Variants in BCAS3 observed in about 807,000 individuals in gnomAD.
BCAS3 encodes BCAS4/BCAS3 fusion.
In BCAS3, 53 loss-of-function variants were observed where a neutral mutation model predicts 116.1. The observed-to-expected ratio is 0.46, with a 90% CI of 0.37 to 0.57. The LOEUF (loss-of-function observed/expected upper bound fraction) is 0.57, where lower values mean the gene tolerates loss of function less well. Ranked by LOEUF, BCAS3 falls within the 20% of genes least tolerant of loss-of-function variation. BCAS3 has a pLI of 0.00. For synonymous variants in BCAS3, 391 were observed against 408.2 expected, an observed-to-expected ratio of 0.96 and a Z score of 0.51; for missense variants, 917 against 1,165.4, an observed-to-expected ratio of 0.79 and a Z score of 3.10.
chr17:61,014,318 A>G (rs1423987998), intron 15 of BCAS3, among the ~76,000 whole-genome samples: 1 of 152,132 alleles, frequency 6.6e-6, no homozygotes, highest in Non-Finnish European at 1.5e-5. Context: ...TCAATTAATA[A>G]GACTCACTAG....
Position 61,015,818 on chromosome 17 carries a change from T to C in BCAS3, c.1554T>C (p.Ser518=). Residue 518 remains serine (S), a synonymous_variant, in exon 16 of 24, where the codon TCT becomes TCC. Coordinates refer to ENST00000407086, the MANE Select transcript of BCAS3 (RefSeq NM_017679.5). ...ACAACCCTGGCAACCCTCGGCTCTCTCCTCTTCCCAGCTTGATGGTAGTGA... is the reference window on the plus strand; with the variant it reads ...ACAACCCTGGCAACCCTCGGCTCTCCCCTCTTCCCAGCTTGATGGTAGTGA... ...TNNNPGNPRL[S]PLPSLMVVMP... The C allele has an allele frequency of 6.2e-7, 1 of 1,614,048 alleles. No individual in the cohort carries two copies. The highest frequency in any genetic ancestry group is 8.5e-7 in the Non-Finnish European group (1 of 1,179,942).
intron 19 of BCAS3, among the ~76,000 whole-genome samples, chr17:61,071,579 A>G (rs761152602): frequency 3.3e-5 from 5 of 152,230 alleles, no homozygotes; most frequent in Non-Finnish European, 7.3e-5. Context: ...TCTGAGGACC[A>G]CATTTGGAGG....
chr17:60,866,969 A>G (rs1427756631), intron 7 of BCAS3, among the ~76,000 whole-genome samples: 1 of 151,980 alleles, frequency 6.6e-6, no homozygotes, highest in Non-Finnish European at 1.5e-5. Flanking sequence ...TACCTTTACA[A>G]TAAGTCTTAT....
intron 22 of BCAS3, among the ~76,000 whole-genome samples, chr17:61,209,032 T>C (rs529391884): frequency 2.8e-4 from 42 of 152,276 alleles, no homozygotes; most frequent in African/African-American, 9.4e-4. Flanking sequence ...TTCCATTTGT[T>C]AGCAAACAAC....
At chr17:60,875,079 A>G (rs535893979) in intron 9 of BCAS3, among the ~76,000 whole-genome samples, 1 of 152,120 alleles carries the variant, frequency 6.6e-6, no homozygotes, top group East Asian at 1.9e-4. Context: ...TTTATACATT[A>G]TACCTTTACA....
intron 3 of BCAS3, among the ~76,000 whole-genome samples, chr17:60,685,053 A>C (rs2033813772): frequency 6.6e-6 from 1 of 152,248 alleles, no homozygotes; most frequent in Non-Finnish European, 1.5e-5. Flanking sequence ...TCCAACAATG[A>C]TCAATTTAGT....
Position 61,368,223 on chromosome 17 carries a change from T to C in BCAS3, c.2426-104T>C. ...GCGTGCTTCCATCCTACAGGAAGGC[T>C]ACAATGGACCCTGGGTATGGAGAGG... On this transcript the variant is annotated intron_variant, in intron 22 of 23. Transcript: ENST00000407086. This position sits in a 1 kb window ranked among gnomAD's most constrained non-coding sequence, Gnocchi z 6.0. 3 of 1,295,284 alleles carry C rather than the reference T, an allele frequency of 2.3e-6. No homozygotes were observed. The South Asian group carries it at 4.5e-5, about 20-fold the overall frequency. 80.2% of individuals were successfully genotyped at this position (1,295,284 alleles called of 1,614,324 possible).
chr17:61,367,721 T>C lies in BCAS3; in HGVS notation c.2426-606T>C, dbSNP rs2058815554. 1 of 152,210 alleles carries C rather than the reference T, an allele frequency of 6.6e-6. No individual in the cohort carries two copies. The highest frequency in any genetic ancestry group is 1.5e-5 in the Non-Finnish European group (1 of 68,040). 9.4% of individuals were successfully genotyped at this position (152,210 alleles called of 1,614,324 possible). A position where few individuals can be genotyped will look rare whatever the true frequency, so the allele number is the denominator to read the frequency against. On this transcript the variant is annotated intron_variant, in intron 22 of 23. Transcript: ENST00000407086. The surrounding 1 kb of genome is among the most constrained non-coding windows in gnomAD (Gnocchi z 6.2). ...GAGCTCCAACTATAAAATGAGGAAG[T>C]TGGTTATAGGTTATAGAATATAATG...
At chr17:60,888,564 C>CTA (rs1039353642) in intron 9 of BCAS3, among the ~76,000 whole-genome samples, 8 of 152,024 alleles carry the variant, frequency 5.3e-5, no homozygotes, top group African/African-American at 1.9e-4. Context: ...TGTGTAAATA[C>CTA]TACACAATTT....
At chr17:61,268,496 A>G (rs2049953390) in intron 22 of BCAS3, among the ~76,000 whole-genome samples, 1 of 152,152 alleles carries the variant, frequency 6.6e-6, no homozygotes, top group African/African-American at 2.4e-5. Context: ...ACAACAGCTC[A>G]CTAGAATTTT....
Position 61,324,358 on chromosome 17 carries a change from T to A in BCAS3, c.2426-43969T>A, listed in dbSNP as rs2055557328. Among the ~76,000 whole-genome samples the A allele has an allele frequency of 6.6e-6, 1 of 152,182 alleles. No homozygotes were observed. Among genetic ancestry groups the A allele is most frequent in the South Asian group, 2.1e-4 (1 of 4,830 alleles). On this transcript the variant is annotated intron_variant, in intron 22 of 23. Transcript: ENST00000407086. This position sits in a 1 kb window ranked among gnomAD's most constrained non-coding sequence, Gnocchi z 4.6. The stretch of plus-strand genomic sequence containing the variant: ...AACTAGGATTAGACTAAGGCAGAGA[T>A]TCACCCATTTGACCCCTGCAAGGCT...
chr17:61,064,792 AC>A (rs1414912208), intron 19 of BCAS3, among the ~76,000 whole-genome samples: 17 of 152,206 alleles, frequency 1.1e-4, no homozygotes, highest in African/African-American at 4.1e-4. Flanking sequence ...TAATTAGAGA[AC>A]ATCTATGGTA....
intron 7 of BCAS3, among the ~76,000 whole-genome samples, chr17:60,813,447 A>G (rs146258726): frequency 9.3e-4 from 142 of 152,270 alleles, no homozygotes; most frequent in African/African-American, 3.3e-3. Flanking sequence ...TCTTTTGCCC[A>G]CTTTTTAATG....
intron 21 of BCAS3, among the ~76,000 whole-genome samples, chr17:61,080,600 A>C (rs1002349907): frequency 3.3e-5 from 5 of 152,068 alleles, no homozygotes; most frequent in Admixed American, 2.6e-4. Context: ...AAATACAAAA[A>C]ATACAAAAAA....
chr17:61,370,023 G>A (rs1402178859), intron 23 of BCAS3, among the ~76,000 whole-genome samples: 1 of 152,170 alleles, frequency 6.6e-6, no homozygotes, highest in Admixed American at 6.5e-5. Flanking sequence ...GGAGCCCCTT[G>A]GAGCATCTCA....
intron 5 of BCAS3, among the ~76,000 whole-genome samples, chr17:60,711,343 G>A (rs1337855166): frequency 1.3e-5 from 2 of 150,486 alleles, no homozygotes. Flanking sequence ...ATTTGGCAGT[G>A]TTTTTTTTTC....
rs193261932 is a variant in BCAS3, at chr17:61,025,296, A to G, written c.1638-9370A>G. ...TTATGGCCAACATTTTTTTTTCTTT[A>G]ATGAAGTAGAATAAAAGTGCAATTC... is the stretch of plus-strand genomic sequence containing the variant. On this transcript the variant is annotated intron_variant, in intron 16 of 23. Coordinates refer to ENST00000407086, the MANE Select transcript of BCAS3 (RefSeq NM_017679.5). Among the ~76,000 whole-genome samples, 7 of 151,852 alleles carry G rather than the reference A, an allele frequency of 4.6e-5. No individual in the cohort carries two copies. In the East Asian group the frequency reaches 1.4e-3, roughly 29 times the overall value.
intron 22 of BCAS3, among the ~76,000 whole-genome samples, chr17:61,311,665 C>T (rs1342138772): frequency 1.3e-5 from 2 of 152,058 alleles, no homozygotes; most frequent in East Asian, 1.9e-4. Context: ...GAGGCCGAGG[C>T]GGGCAGATAA....
chr17:61,133,279 G>A (rs1020160150), intron 22 of BCAS3, among the ~76,000 whole-genome samples: 16 of 152,282 alleles, frequency 1.1e-4, no homozygotes, highest in African/African-American at 3.4e-4. Flanking sequence ...AAAAGGGTTG[G>A]GTAAGAACTT....
Sources: allele counts gnomAD v4.1 joint callset (sites outside exome capture counted in the v4.1 genomes callset), GRCh38; gene constraint gnomAD v4.1.1; non-coding constraint Gnocchi (gnomAD v3.1); transcripts MANE v1.5; gene names NCBI Gene and HGNC (gene_info 2026-07-23, HGNC 2026-07-21).